Variants in MKLN1 observed in about 807,000 individuals in gnomAD.
MKLN1 encodes muskelin.
In MKLN1, 18 loss-of-function variants were observed where a neutral mutation model predicts 99.0. The observed-to-expected ratio is 0.18, with a 90% confidence interval of 0.13 to 0.27. MKLN1 has a LOEUF of 0.27. MKLN1 is among the 10% of genes least tolerant of loss of function. MKLN1 has a pLI of 1.00. For missense variants in MKLN1, 621 were observed against 875.9 expected (o/e 0.71, Z 3.67); for synonymous variants, 288 against 293.2 (o/e 0.98, Z 0.18).
chr7:131,232,697 A>T (rs1251112606), intron 3 of MKLN1, among the ~76,000 whole-genome samples: 1 of 152,140 alleles, frequency 6.6e-6, no homozygotes, highest in East Asian at 1.9e-4. Flanking sequence ...AATTGAATAC[A>T]TTTTTAGTAC....
chr7:131,317,929 A>G (rs1798701745), intron 3 of MKLN1, among the ~76,000 whole-genome samples: 1 of 152,192 alleles, frequency 6.6e-6, no homozygotes, highest in African/African-American at 2.4e-5. Flanking sequence ...ATATATATGC[A>G]CCCAATACAG....
At chr7:131,227,620 C>T (rs183741726) in intron 3 of MKLN1, among the ~76,000 whole-genome samples, 275 of 150,890 alleles carry the variant, frequency 1.8e-3, no homozygotes, top group African/African-American at 6.3e-3. Context: ...GGCTGGAGTG[C>T]GGTGGAGCAA....
intron 3 of MKLN1, among the ~76,000 whole-genome samples, chr7:131,211,245 G>T (rs2116432244): frequency 6.6e-6 from 1 of 152,156 alleles, no homozygotes; most frequent in East Asian, 1.9e-4. Context: ...TCCAGAACTA[G>T]GTCTCCAGTT....
intron 12 of MKLN1, among the ~76,000 whole-genome samples, chr7:131,459,404 T>A (rs1218797417): frequency 6.6e-6 from 1 of 152,256 alleles, no homozygotes; most frequent in East Asian, 1.9e-4. Flanking sequence ...CTAGTTTTTA[T>A]GACCCACCTT....
intron 1 of MKLN1, among the ~76,000 whole-genome samples, chr7:131,135,250 G>A (rs1795630646): frequency 6.6e-6 from 1 of 152,160 alleles, no homozygotes; most frequent in South Asian, 2.1e-4. Context: ...AGCCTCCCGA[G>A]TAGCTGGGAC....
At chr7:131,277,934 T>A (rs1466477786) in intron 3 of MKLN1, among the ~76,000 whole-genome samples, 1 of 152,194 alleles carries the variant, frequency 6.6e-6, no homozygotes. Flanking sequence ...AGTTAATGGA[T>A]TATGATCAAT....
chr7:131,278,454 G>T (rs1017402568), intron 3 of MKLN1, among the ~76,000 whole-genome samples: 2 of 152,120 alleles, frequency 1.3e-5, no homozygotes, highest in Non-Finnish European at 2.9e-5. Flanking sequence ...TGAATGCAAA[G>T]CTTGTCCAGC....
intron 7 of MKLN1, among the ~76,000 whole-genome samples, chr7:131,411,794 C>T (rs1413833678): frequency 6.6e-6 from 1 of 150,716 alleles, no homozygotes; most frequent in African/African-American, 2.4e-5. Flanking sequence ...GTAATCCCAG[C>T]TACTCGGGAG....
intron 3 of MKLN1, among the ~76,000 whole-genome samples, chr7:131,253,768 G>A (rs574274117): frequency 6.6e-6 from 1 of 152,334 alleles, no homozygotes; most frequent in African/African-American, 2.4e-5. Flanking sequence ...AACAGAGCAT[G>A]AAGAAGTTCA....
intron 10 of MKLN1, among the ~76,000 whole-genome samples, chr7:131,441,367 T>C (rs1795834256): frequency 6.6e-6 from 1 of 152,164 alleles, no homozygotes; most frequent in Admixed American, 6.5e-5. Flanking sequence ...ATTCCTGTGA[T>C]GAGTAAAATA....
At chr7:131,230,598 G>A (rs945572952) in intron 3 of MKLN1, among the ~76,000 whole-genome samples, 1 of 152,192 alleles carries the variant, frequency 6.6e-6, no homozygotes, top group Non-Finnish European at 1.5e-5. Context: ...TTATGTAAGA[G>A]CATGTATTTA....
chr7:131,375,913 A>C (rs1169292135), intron 2 of MKLN1, among the ~76,000 whole-genome samples: 1 of 150,190 alleles, frequency 6.7e-6, no homozygotes, highest in African/African-American at 2.4e-5. Flanking sequence ...TTCCCTGGCA[A>C]GTAGTGTCTG....
intron 9 of MKLN1, among the ~76,000 whole-genome samples, chr7:131,435,146 A>C (rs914586392): frequency 2.6e-5 from 4 of 152,184 alleles, no homozygotes; most frequent in African/African-American, 7.2e-5. Context: ...TATTCTGTTA[A>C]TATGTCAGAT....
At chr7:131,388,064 G>A (rs1382106497) in intron 3 of MKLN1, among the ~76,000 whole-genome samples, 3 of 152,186 alleles carry the variant, frequency 2.0e-5, no homozygotes, top group Non-Finnish European at 4.4e-5. Flanking sequence ...CTACTTGGGA[G>A]GCTGAGGCAG....
At chr7:131,473,734 C>T (rs1448190059) in intron 16 of MKLN1, among the ~76,000 whole-genome samples, 2 of 152,184 alleles carry the variant, frequency 1.3e-5, no homozygotes, top group African/African-American at 4.8e-5. Context: ...ATAGGTCAGG[C>T]ATTCTAGGCA....
chr7:131,308,345 TCCA>T (rs1798500786), intron 3 of MKLN1, among the ~76,000 whole-genome samples: 1 of 146,932 alleles, frequency 6.8e-6, no homozygotes, highest in South Asian at 2.3e-4. Context: ...CACTGCAACC[TCCA>T]CCTCCCAGGT....
chr7:131,345,844 C>T (rs1054171758), intron 1 of MKLN1, among the ~76,000 whole-genome samples: 5 of 152,130 alleles, frequency 3.3e-5, no homozygotes, highest in Non-Finnish European at 7.3e-5. Context: ...GTATCTAATA[C>T]CTTTACTGTA....
intron 12 of MKLN1, among the ~76,000 whole-genome samples, chr7:131,449,684 T>G (rs1351663699): frequency 6.6e-6 from 1 of 152,080 alleles, no homozygotes; most frequent in Non-Finnish European, 1.5e-5. Context: ...CTCTCTCACT[T>G]TCTTCCTTTT....
At chr7:131,174,010 G>T (rs1796256772) in intron 2 of MKLN1, among the ~76,000 whole-genome samples, 1 of 127,892 alleles carries the variant, frequency 7.8e-6, no homozygotes, top group Non-Finnish European at 1.6e-5. Flanking sequence ...GTCTCGGTCT[G>T]TCACCCAGGC....
Sources: gnomAD v4.1 joint callset for allele counts (sites outside exome capture counted in the v4.1 genomes callset) on GRCh38, gnomAD v4.1.1 for gene constraint, MANE v1.5 for transcripts, NCBI Gene and HGNC (gene_info 2026-07-23, HGNC 2026-07-21) for gene names.